The following NOS1AP variants were observed in gnomAD, a reference collection of about 807,000 sequenced individuals.
The protein encoded by NOS1AP is carboxyl-terminal PDZ ligand of neuronal nitric oxide synthase protein.
Under a neutral mutation model 56.2 loss-of-function variants are expected in NOS1AP, and 21 were observed. The observed-to-expected ratio is 0.37, with a 90% CI of 0.26 to 0.54. The LOEUF is 0.54. NOS1AP is among the 20% of genes least tolerant of loss of function. The pLI is 0.84. For missense variants in NOS1AP, 522 were observed against 657.8 expected (o/e 0.79, Z 2.26); for synonymous variants, 270 against 274.6 (o/e 0.98, Z 0.17).
intron 2 of NOS1AP, among the ~76,000 whole-genome samples, chr1:162,271,100 C>T (rs1055305708): frequency 1.3e-5 from 2 of 152,076 alleles, no homozygotes; most frequent in African/African-American, 4.8e-5. Flanking sequence ...GTGATCAGTA[C>T]CTGTTATATA....
intron 5 of NOS1AP, among the ~76,000 whole-genome samples, chr1:162,337,716 C>T (rs997197783): frequency 3.3e-5 from 5 of 152,320 alleles, no homozygotes; most frequent in African/African-American, 1.2e-4. Context: ...ACACAGCTAT[C>T]TGTTGGAAAC....
At chr1:162,302,514 G>T (rs1335514080) in intron 4 of NOS1AP, among the ~76,000 whole-genome samples, 1 of 152,142 alleles carries the variant, frequency 6.6e-6, no homozygotes, top group Non-Finnish European at 1.5e-5. Flanking sequence ...TTTTCTTAAT[G>T]CTGGCACCAT....
At chr1:162,169,419 T>C (rs1405455513) in intron 2 of NOS1AP, among the ~76,000 whole-genome samples, 1 of 152,234 alleles carries the variant, frequency 6.6e-6, no homozygotes, top group East Asian at 1.9e-4. Context: ...AGTCAGTAGC[T>C]GAATTGTTTA....
intron 6 of NOS1AP, among the ~76,000 whole-genome samples, chr1:162,353,535 C>T (rs944511865): frequency 1.3e-5 from 2 of 152,198 alleles, no homozygotes; most frequent in African/African-American, 4.8e-5. Context: ...TTTTGCTACC[C>T]TGTCACTACA....
chr1:162,346,069 C>T (rs991728768), intron 6 of NOS1AP, among the ~76,000 whole-genome samples: 2 of 152,092 alleles, frequency 1.3e-5, no homozygotes, highest in Non-Finnish European at 2.9e-5. Flanking sequence ...GATGTGTTTG[C>T]AAATTTAGTG....
rs959499780 is a variant in NOS1AP at position 162,362,136 on chromosome 1, A to G, written c.940-3268A>G. On this transcript the variant is annotated intron_variant, in intron 8 of 9. Coordinates refer to ENST00000361897, the MANE Select transcript of NOS1AP (RefSeq NM_014697.3). The stretch of plus-strand genomic sequence containing the variant: ...CATTCAAATGGCCTGTCCTGTTGGG[A>G]TGTTCAGACTGGAAAGCAGGAAACT... Among the ~76,000 whole-genome samples the G allele has an allele frequency of 8.5e-5, 13 of 152,260 alleles. No homozygotes were observed. The East Asian group carries it at 2.5e-3, about 29-fold the overall frequency.
intron 1 of NOS1AP, among the ~76,000 whole-genome samples, chr1:162,080,155 A>T (rs1249490792): frequency 2.6e-5 from 4 of 152,202 alleles, no homozygotes; most frequent in Non-Finnish European, 4.4e-5. Flanking sequence ...TGATGCTTAC[A>T]TTTCCCTTTA....
intron 1 of NOS1AP, among the ~76,000 whole-genome samples, chr1:162,090,663 T>C (rs954549648): frequency 1.3e-5 from 2 of 152,054 alleles, no homozygotes; most frequent in African/African-American, 4.8e-5. Flanking sequence ...TTCCCTAAGT[T>C]TCAGGCAGTT....
At chr1:162,135,506 C>A (rs565643418) in intron 1 of NOS1AP, among the ~76,000 whole-genome samples, 1 of 152,262 alleles carries the variant, frequency 6.6e-6, no homozygotes, top group Admixed American at 6.5e-5. Context: ...TGGGGGGACA[C>A]CTGTTCTGTC....
At chr1:162,174,702 A>T (rs764410228) in intron 2 of NOS1AP, among the ~76,000 whole-genome samples, 18 of 152,238 alleles carry the variant, frequency 1.2e-4, no homozygotes, top group Admixed American at 6.5e-4. Context: ...AGTATGGTAC[A>T]GTTGTTAGAA....
chr1:162,189,851 T>C (rs1462613593), intron 2 of NOS1AP, among the ~76,000 whole-genome samples: 1 of 152,212 alleles, frequency 6.6e-6, no homozygotes, highest in Non-Finnish European at 1.5e-5. Flanking sequence ...AACCTGAATA[T>C]TGCCAATGAG....
intron 2 of NOS1AP, among the ~76,000 whole-genome samples, chr1:162,233,488 T>C (rs1490788938): frequency 6.7e-6 from 1 of 148,282 alleles, no homozygotes; most frequent in Non-Finnish European, 1.5e-5. Context: ...AGTTTACCCA[T>C]TTAAAGTGTA....
At chr1:162,343,027 A>G (rs557378391) in intron 5 of NOS1AP, among the ~76,000 whole-genome samples, 2 of 152,308 alleles carry the variant, frequency 1.3e-5, no homozygotes, top group African/African-American at 4.8e-5. Context: ...TCTTCAAACC[A>G]TAATCAGTTA....
chr1:162,206,647 C>T (rs1309205384), intron 2 of NOS1AP, among the ~76,000 whole-genome samples: 1 of 152,096 alleles, frequency 6.6e-6, no homozygotes, highest in African/African-American at 2.4e-5. Flanking sequence ...TGTTAATATA[C>T]AAGTAGGCAT....
At chr1:162,240,763 A>G (rs1277668416) in intron 2 of NOS1AP, among the ~76,000 whole-genome samples, 1 of 152,218 alleles carries the variant, frequency 6.6e-6, no homozygotes, top group East Asian at 1.9e-4. Flanking sequence ...TATTCAACAA[A>G]TATTTACTGA....
At chr1:162,126,274 T>C (rs1261908170) in intron 1 of NOS1AP, among the ~76,000 whole-genome samples, 2 of 152,178 alleles carry the variant, frequency 1.3e-5, no homozygotes, top group African/African-American at 4.8e-5. Flanking sequence ...TTTATTTCTT[T>C]CTCTTGCCTG....
intron 2 of NOS1AP, among the ~76,000 whole-genome samples, chr1:162,201,523 C>G (rs369661144): frequency 1.8e-4 from 27 of 152,138 alleles, no homozygotes; most frequent in Admixed American, 1.5e-3. Context: ...TGAGGGATTG[C>G]CACACCGTCT....
At chr1:162,115,700 G>A (rs1303474684) in intron 1 of NOS1AP, among the ~76,000 whole-genome samples, 1 of 152,204 alleles carries the variant, frequency 6.6e-6, no homozygotes, top group Non-Finnish European at 1.5e-5. Flanking sequence ...GGAGTGGGAG[G>A]TTGAGGGCAA....
rs1433315504 is a variant in NOS1AP at position 162,300,717 on chromosome 1, A to G, written c.344+11A>G. On this transcript the variant is annotated intron_variant, in intron 4 of 9. Coordinates refer to ENST00000361897, the MANE Select transcript of NOS1AP (RefSeq NM_014697.3). ...GGACCCCATCTACAGGTAAGAGCCC[A>G]GTCCAGCACCCAAGATATCACTGAG... 1 of 1,613,314 alleles carries G rather than the reference A, an allele frequency of 6.2e-7. No homozygotes were observed. The highest frequency in any genetic ancestry group is 8.5e-7 in the Non-Finnish European group (1 of 1,179,274).
Sources: gnomAD v4.1 joint callset for allele counts (sites outside exome capture counted in the v4.1 genomes callset) on GRCh38, gnomAD v4.1.1 for gene constraint, MANE v1.5 for transcripts, NCBI Gene and HGNC (gene_info 2026-07-23, HGNC 2026-07-21) for gene names.